Variants in MRPS28 observed in about 807,000 individuals in gnomAD.
MRPS28 encodes the protein mitochondrial ribosomal protein S28.
A neutral mutation model predicts 10.8 loss-of-function variants in MRPS28; 7 were observed. The ratio of observed to expected loss-of-function variants is 0.65; its 90% CI spans 0.37 to 1.22. The LOEUF (loss-of-function observed/expected upper bound fraction) is 1.22, where lower values mean the gene tolerates loss of function less well. Ranked by LOEUF, MRPS28 falls within the 50% of genes most tolerant of loss-of-function variation. MRPS28 has a pLI of 0.02. For missense variants in MRPS28, 265 were observed against 232.9 expected (o/e 1.14, Z -0.90); for synonymous variants, 121 against 93.3 (o/e 1.30, Z -1.71).
chr8:80,007,224 C>T (rs1186636801), intron 1 of MRPS28, among the ~76,000 whole-genome samples: 1 of 152,130 alleles, frequency 6.6e-6, no homozygotes, highest in African/African-American at 2.4e-5. Context: ...TTCAACAACC[C>T]TTCATGCTAA....
chr8:79,994,169 A>T (rs1344973479), intron 2 of MRPS28, among the ~76,000 whole-genome samples: 1 of 152,240 alleles, frequency 6.6e-6, no homozygotes, highest in African/African-American at 2.4e-5. Context: ...CTCTCGAAAA[A>T]TCAAAACTAA....
chr8:79,974,627 T>A (rs983760426), intron 2 of MRPS28, among the ~76,000 whole-genome samples: 2 of 151,978 alleles, frequency 1.3e-5, no homozygotes, highest in African/African-American at 4.8e-5. Flanking sequence ...GCTATTTTGG[T>A]ACAGCCTAGT....
rs554309199 is a variant in MRPS28 at position 79,922,727 on chromosome 8, C to G, written c.396-3579G>C. 5.3e-5 allele frequency among the ~76,000 whole-genome samples: 8 copies of G among 152,104 alleles called. No individual in the cohort carries two copies. In the South Asian group the frequency reaches 1.7e-3, roughly 32 times the overall value. On this transcript the variant is annotated intron_variant, in intron 2 of 2. Transcript: ENST00000276585. ...AACTGATACCCATTTGCCTTTCTTC[C>G]TCAATCAATTATTTTAAAAGTTAAA...
chr8:80,009,254 C>A (rs1280775009), intron 1 of MRPS28, among the ~76,000 whole-genome samples: 5 of 152,218 alleles, frequency 3.3e-5, no homozygotes, highest in South Asian at 4.2e-4. Flanking sequence ...GGAAAGGGAA[C>A]ATCACACAGC....
At chr8:80,020,761 G>A (rs754828429) in intron 1 of MRPS28, among the ~76,000 whole-genome samples, 12 of 152,110 alleles carry the variant, frequency 7.9e-5, no homozygotes, top group Non-Finnish European at 1.3e-4. Context: ...GAGATTGTTC[G>A]TAAAAAGACA....
At chr8:80,008,883 T>C (rs1586093908) in intron 1 of MRPS28, among the ~76,000 whole-genome samples, 1 of 152,228 alleles carries the variant, frequency 6.6e-6, no homozygotes, top group Non-Finnish European at 1.5e-5. Flanking sequence ...CTCAAGGATC[T>C]AGAACTAGAA....
intron 2 of MRPS28, among the ~76,000 whole-genome samples, chr8:79,959,454 T>C (rs1807313437): frequency 6.6e-6 from 1 of 152,156 alleles, no homozygotes; most frequent in African/African-American, 2.4e-5. Flanking sequence ...GATTCTATGT[T>C]ATATATCTGT....
intron 2 of MRPS28, among the ~76,000 whole-genome samples, chr8:79,988,370 T>C (rs778603319): frequency 2.6e-5 from 4 of 151,752 alleles, no homozygotes; most frequent in Admixed American, 2.6e-4. Flanking sequence ...CGTGTATATG[T>C]ATGTAACTAA....
intron 2 of MRPS28, among the ~76,000 whole-genome samples, chr8:79,999,745 T>G (rs1249810974): frequency 6.6e-6 from 1 of 152,186 alleles, no homozygotes; most frequent in South Asian, 2.1e-4. Flanking sequence ...ATCAAACTAC[T>G]GATGTTAAAC....
intron 1 of MRPS28, among the ~76,000 whole-genome samples, chr8:80,010,414 T>A (rs996613612): frequency 4.6e-5 from 7 of 152,242 alleles, no homozygotes; most frequent in Non-Finnish European, 1.0e-4. Flanking sequence ...TATTTGTGAC[T>A]TAAGTTTAAT....
At chr8:79,983,775 G>C (rs1477637963) in intron 2 of MRPS28, among the ~76,000 whole-genome samples, 6 of 152,326 alleles carry the variant, frequency 3.9e-5, no homozygotes, top group Non-Finnish European at 8.8e-5. Context: ...GGGACTATGT[G>C]AAAAGACCAA....
intron 2 of MRPS28, among the ~76,000 whole-genome samples, chr8:79,994,479 A>G (rs549620883): frequency 6.6e-6 from 1 of 152,260 alleles, no homozygotes; most frequent in African/African-American, 2.4e-5. Flanking sequence ...TTCATGTCCA[A>G]AATGAAACAT....
At chr8:79,926,144 A>G (rs1323965971) in intron 2 of MRPS28, among the ~76,000 whole-genome samples, 2 of 152,222 alleles carry the variant, frequency 1.3e-5, no homozygotes, top group Non-Finnish European at 1.5e-5. Context: ...GAAAGGGGAA[A>G]AAAAACCAAA....
intron 2 of MRPS28, among the ~76,000 whole-genome samples, chr8:79,997,373 G>C (rs1452404846): frequency 6.6e-6 from 1 of 152,108 alleles, no homozygotes; most frequent in Admixed American, 6.6e-5. Flanking sequence ...TCTCAGTAGG[G>C]GGTCCACTCA....
intron 2 of MRPS28, among the ~76,000 whole-genome samples, chr8:79,974,400 C>T (rs1339200239): frequency 2.6e-5 from 4 of 151,642 alleles, no homozygotes; most frequent in African/African-American, 9.7e-5. Context: ...ATTAGCCAGG[C>T]GTGGTGGTGG....
intron 2 of MRPS28, among the ~76,000 whole-genome samples, chr8:79,948,827 T>A (rs531371966): frequency 6.6e-6 from 1 of 152,240 alleles, no homozygotes. Flanking sequence ...TTGGTCATGA[T>A]GTATTATACA....
At chr8:79,997,761 A>G (rs886712519) in intron 2 of MRPS28, among the ~76,000 whole-genome samples, 4 of 152,160 alleles carry the variant, frequency 2.6e-5, no homozygotes, top group Admixed American at 2.6e-4. Flanking sequence ...ACATTCTGAA[A>G]TGAGTACAAC....
chr8:79,979,943 A>AG (rs869311468), intron 2 of MRPS28, among the ~76,000 whole-genome samples: 3 of 146,630 alleles, frequency 2.0e-5, no homozygotes, highest in Admixed American at 6.7e-5. Flanking sequence ...AAAAAAAAAA[A>AG]GTCTCTATCT....
intron 2 of MRPS28, chr8:79,958,403 C>A (rs1378288137): frequency 1.4e-6 from 1 of 696,576 alleles, no homozygotes; most frequent in East Asian, 2.7e-5. Context: ...TTGTGAAAAT[C>A]TCCTCCAAAC....
Sources: allele counts gnomAD v4.1 joint callset (sites outside exome capture counted in the v4.1 genomes callset), GRCh38; gene constraint gnomAD v4.1.1; transcripts MANE v1.5; gene names NCBI Gene and HGNC (gene_info 2026-07-23, HGNC 2026-07-21).